The following NCKAP5 variants were observed in gnomAD, a reference collection of about 807,000 sequenced individuals.
NCKAP5 encodes nck-associated protein 5.
A neutral mutation model predicts 167.0 loss-of-function variants in NCKAP5; 92 were observed. The ratio of observed to expected loss-of-function variants is 0.55; its 90% CI spans 0.47 to 0.66. NCKAP5 has a LOEUF of 0.66. NCKAP5 is among the 30% of genes least tolerant of loss of function. The probability of loss-of-function intolerance (pLI) is 0.00; values close to 1 mark genes in which losing one functional copy is unlikely to be tolerated. For synonymous variants in NCKAP5, 891 were observed against 877.4 expected, an observed-to-expected ratio of 1.02 and a Z score of -0.27; for missense variants, 2,378 against 2,315.0, an observed-to-expected ratio of 1.03 and a Z score of -0.56.
At chr2:133,628,746 G>T in the NCKAP5 span, among the ~76,000 whole-genome samples, 1 of 152,092 alleles carries the variant, frequency 6.6e-6, no homozygotes, top group African/African-American at 2.4e-5. Context: ...ACTATACAAG[G>T]CTACAGTAAC....
At chr2:133,096,013 C>G (rs901831231) in intron 6 of NCKAP5, among the ~76,000 whole-genome samples, 1 of 152,104 alleles carries the variant, frequency 6.6e-6, no homozygotes, top group Non-Finnish European at 1.5e-5. Context: ...AAAATTTTAC[C>G]AGATGCTACT....
intron 17 of NCKAP5, among the ~76,000 whole-genome samples, chr2:132,729,556 T>C (rs947064077): frequency 6.6e-6 from 1 of 152,226 alleles, no homozygotes; most frequent in African/African-American, 2.4e-5. Context: ...ATGTGCATGC[T>C]GATTCAGTAG....
At chr2:133,333,344 T>C (rs1047289717) in intron 3 of NCKAP5, among the ~76,000 whole-genome samples, 1 of 152,138 alleles carries the variant, frequency 6.6e-6, no homozygotes, top group Non-Finnish European at 1.5e-5. Flanking sequence ...GAGGGTATGA[T>C]ACATCGGAAG....
chr2:133,343,757 C>A (rs1248816883), intron 3 of NCKAP5, among the ~76,000 whole-genome samples: 1 of 152,192 alleles, frequency 6.6e-6, no homozygotes, highest in African/African-American at 2.4e-5. Flanking sequence ...GAGTCAGACC[C>A]AAACATACAA....
At chr2:132,932,975 A>T (rs1405182960) in intron 8 of NCKAP5, among the ~76,000 whole-genome samples, 4 of 133,718 alleles carry the variant, frequency 3.0e-5, no homozygotes, top group Non-Finnish European at 6.1e-5. Flanking sequence ...CCCAGGCTGG[A>T]GTGCAGTGGA....
chr2:133,584,954 G>A, the NCKAP5 span, among the ~76,000 whole-genome samples: 1 of 128,382 alleles, frequency 7.8e-6, no homozygotes, highest in Admixed American at 7.8e-5. Flanking sequence ...AGGAAGGAAG[G>A]AAGGAAGGAA....
At position 132,771,741 on chromosome 2, in the gene NCKAP5, C is replaced by T. The variant is rs780505136; in HGVS notation, c.5128+2075G>A. Among the ~76,000 whole-genome samples, 4 of 151,222 alleles carry T rather than the reference C, an allele frequency of 2.6e-5. No individual in the cohort carries two copies. In the South Asian group the frequency reaches 6.3e-4, roughly 24 times the overall value. On this transcript the variant is annotated intron_variant, in intron 16 of 19. Coordinates refer to ENST00000409261, the MANE Select transcript of NCKAP5 (RefSeq NM_207363.3). ...AGGCTAGAGTGCATTGGCATGATCT[C>T]GGCTCACTGCAATCTCTGCCTCCCG...
chr2:133,618,536 C>T, the NCKAP5 span, among the ~76,000 whole-genome samples: 1 of 148,516 alleles, frequency 6.7e-6, no homozygotes, highest in Non-Finnish European at 1.5e-5. Flanking sequence ...TTTATGCAGC[C>T]AAAAAACACA....
chr2:133,065,946 T>C (rs2080179106), intron 6 of NCKAP5, among the ~76,000 whole-genome samples: 1 of 152,230 alleles, frequency 6.6e-6, no homozygotes, highest in African/African-American at 2.4e-5. Context: ...TCATTCTCCA[T>C]TCATCTTAAT....
chr2:133,584,581 A>G, the NCKAP5 span, among the ~76,000 whole-genome samples: 2 of 152,070 alleles, frequency 1.3e-5, no homozygotes, highest in African/African-American at 2.4e-5. Flanking sequence ...CCTGGCCAAC[A>G]TGGTCAGACC....
intron 5 of NCKAP5, among the ~76,000 whole-genome samples, chr2:133,195,575 T>G (rs777070866): frequency 6.6e-6 from 1 of 152,122 alleles, no homozygotes; most frequent in Non-Finnish European, 1.5e-5. Flanking sequence ...CATTGAAGAA[T>G]GGCAAAGATA....
chr2:132,771,842 T>TC (rs1682093313), intron 16 of NCKAP5, among the ~76,000 whole-genome samples: 1 of 100,436 alleles, frequency 1.0e-5, no homozygotes, highest in Non-Finnish European at 1.9e-5. Flanking sequence ...CCGGCTAATT[T>TC]TTTTTTTTTT....
At chr2:133,182,025 A>G (rs1324659048) in intron 5 of NCKAP5, among the ~76,000 whole-genome samples, 4 of 152,236 alleles carry the variant, frequency 2.6e-5, no homozygotes, top group African/African-American at 9.6e-5. Context: ...GAGGTACATC[A>G]TAAAATTATA....
chr2:133,205,749 A>T (rs2085920252), intron 5 of NCKAP5, among the ~76,000 whole-genome samples: 1 of 151,280 alleles, frequency 6.6e-6, no homozygotes, highest in African/African-American at 2.4e-5. Flanking sequence ...CCCTTCCATG[A>T]ATATGCCATA....
intron 2 of NCKAP5, among the ~76,000 whole-genome samples, chr2:133,530,694 C>T (rs1685293409): frequency 6.6e-6 from 1 of 152,110 alleles, no homozygotes; most frequent in Non-Finnish European, 1.5e-5. Flanking sequence ...TCTGGTAGGG[C>T]TTATGAACCT....
chr2:132,785,370 C>G lies in NCKAP5; in HGVS notation c.1441G>C (p.Asp481His). The G allele has an allele frequency of 6.2e-7, 1 of 1,613,990 alleles. No individual in the cohort carries two copies. The highest frequency in any genetic ancestry group is 2.2e-5 in the East Asian group (1 of 44,874). Residue 481 changes from aspartate to histidine, a missense_variant, in exon 14 of 20, where the codon GAC becomes CAC. Around this residue, in one of 3 missense-constraint regions of NCKAP5, gnomAD observed 1,049 missense variants for 1,023.4 expected, o/e 1.02. Coordinates refer to ENST00000409261, the MANE Select transcript of NCKAP5 (RefSeq NM_207363.3). ...DLDSHVDADD[D>H]PSTLALLQAV... The stretch of plus-strand genomic sequence containing the variant: ...TGGAGCAATGCTAAGGTGGAAGGGT[C>G]ATCGTCCGCATCAACGTGGGAATCT...
Position 133,241,273 on chromosome 2 carries a change from G to A in NCKAP5, c.144-27494C>T, listed in dbSNP as rs186875291. On this transcript the variant is annotated intron_variant, in intron 4 of 19. Transcript: ENST00000409261. The stretch of plus-strand genomic sequence containing the variant: ...CCCTATTTTGGGTTTTATTTCAGTC[G>A]GCAGTGTTGCTCATCAGTAATAAAT... Among the ~76,000 whole-genome samples the A allele has an allele frequency of 1.3e-3, 200 of 152,124 alleles. 1 individual carries two copies. Among genetic ancestry groups the A allele is most frequent in the African/African-American group, 4.1e-3 (170 of 41,496 alleles).
At chr2:132,781,814 A>G in intron 14 of NCKAP5, 126 bp downstream of exon 14, 3 of 799,530 alleles carry the variant, frequency 3.8e-6, no homozygotes, top group South Asian at 3.9e-5. Flanking sequence ...AAAGACTGCT[A>G]CTATTCATTT....
intron 4 of NCKAP5, among the ~76,000 whole-genome samples, chr2:133,235,977 A>T (rs2087393931): frequency 6.8e-6 from 1 of 146,050 alleles, no homozygotes; most frequent in Non-Finnish European, 1.5e-5. Flanking sequence ...TGAGGCTGGA[A>T]GATTGCTTGA....
Sources: allele counts gnomAD v4.1 joint callset (sites outside exome capture counted in the v4.1 genomes callset), GRCh38; gene constraint gnomAD v4.1.1; regional missense constraint gnomAD v4.1.1; transcripts MANE v1.5; gene names NCBI Gene and HGNC (gene_info 2026-07-23, HGNC 2026-07-21).